Variants in NDUFAF7 observed in about 807,000 individuals in gnomAD.
The protein encoded by NDUFAF7 is NADH:ubiquinone oxidoreductase complex assembly factor 7, also known as protein arginine methyltransferase NDUFAF7, mitochondrial.
NDUFAF7 carries 48 observed loss-of-function variants against 47.2 expected under a neutral mutation model. The ratio of observed to expected loss-of-function variants is 1.02; its 90% CI spans 0.81 to 1.29. The LOEUF (loss-of-function observed/expected upper bound fraction) is 1.29. Among genes scored for constraint, NDUFAF7 ranks in the 50% most tolerant of loss-of-function variants. The pLI, the probability that NDUFAF7 is intolerant of heterozygous loss-of-function variation, is 0.00. For synonymous variants in NDUFAF7, 217 were observed against 190.0 expected, an observed-to-expected ratio of 1.14 and a Z score of -1.17; for missense variants, 635 against 537.6, an observed-to-expected ratio of 1.18 and a Z score of -1.79.
chr2:37,238,747 G>A (rs1360127245), intron 4 of NDUFAF7, among the ~76,000 whole-genome samples: 1 of 152,102 alleles, frequency 6.6e-6, no homozygotes, highest in East Asian at 1.9e-4. Flanking sequence ...CAGAGTGGGA[G>A]AAGTTATTTG....
chr2:37,259,771 A>G, the NDUFAF7 span: 2 of 870,134 alleles, frequency 2.3e-6, no homozygotes, highest in African/African-American at 1.7e-5. Flanking sequence ...TGAAAACTCC[A>G]CTATAGTTCA....
At chr2:37,249,903 G>C (rs917187088), downstream of NDUFAF7, among the ~76,000 whole-genome samples, 60 of 151,938 alleles carry the variant, frequency 3.9e-4, 1 homozygote, top group Middle Eastern at 3.4e-3. Flanking sequence ...GTGATGAACT[G>C]TTGCTTTTTA....
downstream of NDUFAF7, chr2:37,256,995 A>C: frequency 2.0e-6 from 3 of 1,515,498 alleles, no homozygotes; most frequent in East Asian, 6.8e-5. Flanking sequence ...CTGTCCCTAA[A>C]TATAACACTG....
the NDUFAF7 span, among the ~76,000 whole-genome samples, chr2:37,270,394 A>G: frequency 6.8e-6 from 1 of 147,900 alleles, no homozygotes; most frequent in African/African-American, 2.5e-5. Flanking sequence ...TACTGGGATT[A>G]GCCTAACTTT....
Position 37,243,860 on chromosome 2 carries a change from T to C in NDUFAF7, c.682-3T>C, listed in dbSNP as rs1483767742. Reference sequence around the variant, plus strand: ...TTGTTTTTATGTGTTATTTTGTGTTTAGAAAACACCACAGGGATGGCGAGA... The same window carrying C: ...TTGTTTTTATGTGTTATTTTGTGTTCAGAAAACACCACAGGGATGGCGAGA... On this transcript the variant is annotated splice_polypyrimidine_tract_variant and splice_region_variant and intron_variant, in intron 6 of 9. Transcript: ENST00000002125. The C allele has an allele frequency of 2.5e-6, 4 of 1,613,482 alleles. No individual in the cohort carries two copies. Among genetic ancestry groups the C allele is most frequent in the Non-Finnish European group, 2.5e-6 (3 of 1,179,546 alleles).
At chr2:37,253,311 G>C (rs772985780), downstream of NDUFAF7, 26 of 1,612,692 alleles carry the variant, frequency 1.6e-5, no homozygotes, top group Non-Finnish European at 2.1e-5. Context: ...TCTCCAATGC[G>C]AGTTTCAAAT....
chr2:37,238,128 AG>A (rs1238855782), intron 4 of NDUFAF7, among the ~76,000 whole-genome samples: 1 of 152,302 alleles, frequency 6.6e-6, no homozygotes, highest in African/African-American at 2.4e-5. Flanking sequence ...TTCCTCAGGA[AG>A]GAAAGTTGTT....
At chr2:37,243,175 G>T (rs1226611614) in intron 6 of NDUFAF7, among the ~76,000 whole-genome samples, 1 of 152,062 alleles carries the variant, frequency 6.6e-6, no homozygotes, top group Admixed American at 6.5e-5. Flanking sequence ...TTTGGGCCAG[G>T]CATGGTGGCT....
At chr2:37,253,356 AG>A, downstream of NDUFAF7, 2 of 1,595,042 alleles carry the variant, frequency 1.3e-6, no homozygotes, top group South Asian at 2.3e-5. Flanking sequence ...TAGTCCTAGG[AG>A]AAAATGAAAT....
chr2:37,268,584 C>A, the NDUFAF7 span: 2 of 236,358 alleles, frequency 8.5e-6, no homozygotes, highest in Non-Finnish European at 8.5e-6. Context: ...AGCAGGAGTA[C>A]CAAAGGGGAA....
downstream of NDUFAF7, chr2:37,253,294 G>C (rs1365972864): frequency 6.2e-7 from 1 of 1,612,936 alleles, no homozygotes; most frequent in Non-Finnish European, 8.5e-7. Flanking sequence ...CATGTGTAAT[G>C]TAACGTTCTC....
intron 5 of NDUFAF7, 77 bp from the exon 6 acceptor site, chr2:37,242,558 T>G (rs751100839): frequency 8.1e-6 from 10 of 1,228,742 alleles, no homozygotes; most frequent in Admixed American, 7.8e-5. Context: ...AGTAGGCATT[T>G]TTTTTACAGT....
At position 37,245,924 on chromosome 2, in the gene NDUFAF7, C is replaced by T. The variant is rs1019740750; in HGVS notation, c.793-128C>T. 5.7e-6 allele frequency: 6 copies of T among 1,050,212 alleles called. No individual in the cohort carries two copies. In the African/African-American group the frequency reaches 6.4e-5, roughly 11 times the overall value. The allele number at this position is 1,050,212 out of a possible 1,614,324, so 65.1% of individuals were successfully genotyped here. A position where few individuals can be genotyped will look rare whatever the true frequency, so the allele number is the denominator to read the frequency against. On this transcript the variant is annotated intron_variant, in intron 7 of 9. Coordinates refer to ENST00000002125, the MANE Select transcript of NDUFAF7 (RefSeq NM_144736.5). Reference sequence around the variant, plus strand: ...CAGGTGAAAAGTTGAGTGTAGAGAACATACTCATATTAAGAATTTATTTTT... The same window carrying T: ...CAGGTGAAAAGTTGAGTGTAGAGAATATACTCATATTAAGAATTTATTTTT...
At position 37,248,979 on chromosome 2, in the gene NDUFAF7, T is replaced by C. The variant is rs1243867743; in HGVS notation, c.*629T>C. On this transcript the variant is annotated 3_prime_UTR_variant, in exon 10 of 10. Coordinates refer to ENST00000002125, the MANE Select transcript of NDUFAF7 (RefSeq NM_144736.5). ...AAATGGGAAACAGACTAAATGGCTA[T>C]TCACAGGAAACTGATAAGATATATG... 1 of 153,708 alleles carries C rather than the reference T, an allele frequency of 6.5e-6. No homozygotes were observed. The highest frequency in any genetic ancestry group is 1.4e-5 in the Non-Finnish European group (1 of 69,020). The allele number at this position is 153,708 out of a possible 1,614,324, so 9.5% of individuals were successfully genotyped here. A position where few individuals can be genotyped will look rare whatever the true frequency, so the allele number is the denominator to read the frequency against.
chr2:37,247,106 C>T (rs1667010604), intron 8 of NDUFAF7, among the ~76,000 whole-genome samples: 1 of 151,170 alleles, frequency 6.6e-6, no homozygotes, highest in African/African-American at 2.5e-5. Context: ...TTCACGTGTA[C>T]CCAGTGTTTA....
downstream of NDUFAF7, among the ~76,000 whole-genome samples, chr2:37,255,085 T>C (rs1667826196): frequency 6.6e-6 from 1 of 152,202 alleles, no homozygotes. Context: ...GTCTCTATAC[T>C]ACCAAACTAG....
At chr2:37,263,052 TTTTGA>T in the NDUFAF7 span, among the ~76,000 whole-genome samples, 1 of 152,148 alleles carries the variant, frequency 6.6e-6, no homozygotes, top group South Asian at 2.1e-4. Flanking sequence ...TAATTTTCAT[TTTTGA>T]TCTGTTATTC....
chr2:37,269,910 A>T, the NDUFAF7 span, among the ~76,000 whole-genome samples: 1 of 152,012 alleles, frequency 6.6e-6, no homozygotes, highest in Non-Finnish European at 1.5e-5. Context: ...GACTTTCAGG[A>T]AAAAAATGCT....
At chr2:37,238,812 G>C (rs1276304800) in intron 4 of NDUFAF7, among the ~76,000 whole-genome samples, 1 of 151,178 alleles carries the variant, frequency 6.6e-6, no homozygotes, top group East Asian at 1.9e-4. Context: ...AACTCCTTTA[G>C]GTCAGTAAGA....
Sources: gnomAD v4.1 joint callset for allele counts (sites outside exome capture counted in the v4.1 genomes callset) on GRCh38, gnomAD v4.1.1 for gene constraint, MANE v1.5 for transcripts, NCBI Gene and HGNC (gene_info 2026-07-23, HGNC 2026-07-21) for gene names.